Variants in MALT1 observed in about 807,000 individuals in gnomAD.
The protein encoded by MALT1 is MALT1 paracaspase.
A neutral mutation model predicts 85.5 loss-of-function variants in MALT1; 36 were observed. The ratio of observed to expected loss-of-function variants is 0.42; its 90% CI spans 0.32 to 0.56. The LOEUF (loss-of-function observed/expected upper bound fraction) is 0.56. Among genes scored for constraint, MALT1 ranks in the 20% least tolerant of loss-of-function variants. MALT1 has a pLI of 0.10. For missense variants in MALT1, 716 were observed against 981.6 expected (o/e 0.73, Z 3.62); for synonymous variants, 359 against 361.3 (o/e 0.99, Z 0.07).
intron 2 of MALT1, among the ~76,000 whole-genome samples, chr18:58,681,747 A>C (rs1205854717): frequency 6.6e-6 from 1 of 152,218 alleles, no homozygotes; most frequent in Non-Finnish European, 1.5e-5. Flanking sequence ...TATATAGATG[A>C]AGTAAAGCAA....
At chr18:58,697,968 G>C (rs1440076483) in intron 3 of MALT1, among the ~76,000 whole-genome samples, 2 of 152,188 alleles carry the variant, frequency 1.3e-5, no homozygotes, top group African/African-American at 4.8e-5. Context: ...AATCAACAGG[G>C]TGGCAACATA....
Position 58,747,525 on chromosome 18 carries a change from G to A in MALT1, c.2158G>A (p.Gly720Ser). Residue 720 changes from glycine (G) to serine (S), a missense_variant, in exon 17 of 17, where the codon GGT (glycine) becomes AGT (serine). Gly to Ser is a moderately conservative substitution (Grantham distance 56). Coordinates refer to ENST00000649217, the MANE Select transcript of MALT1 (RefSeq NM_006785.4). ...PLIAKLDMHRGLGRKTCFQTC... is the reference protein window; with the variant it reads ...PLIAKLDMHRSLGRKTCFQTC... The stretch of plus-strand genomic sequence containing the variant: ...CATTGCTAAATTAGACATGCATCGA[G>A]GTTTGGGAAGGAAGACTTGCTTTCA... The A allele has an allele frequency of 6.2e-7, 1 of 1,614,200 alleles. No individual in the cohort carries two copies. Among genetic ancestry groups the A allele is most frequent in the African/African-American group, 1.3e-5 (1 of 75,058 alleles).
At chr18:58,742,212 C>T (rs2055311149) in intron 14 of MALT1, among the ~76,000 whole-genome samples, 198 bp downstream of exon 14, 1 of 152,038 alleles carries the variant, frequency 6.6e-6, no homozygotes, top group Non-Finnish European at 1.5e-5. Flanking sequence ...AATTATTTAG[C>T]CCATTATTGT....
At chr18:58,712,055 T>C (rs1346705640) in intron 7 of MALT1, among the ~76,000 whole-genome samples, 1 of 152,210 alleles carries the variant, frequency 6.6e-6, no homozygotes, top group Non-Finnish European at 1.5e-5. Flanking sequence ...GTGATGCATG[T>C]GAATTATCAC....
chr18:58,728,315 A>G (rs1204549371), intron 10 of MALT1, among the ~76,000 whole-genome samples: 1 of 152,186 alleles, frequency 6.6e-6, no homozygotes, highest in Non-Finnish European at 1.5e-5. Flanking sequence ...CAACAACAAC[A>G]ACGATTTGGG....
intron 4 of MALT1, among the ~76,000 whole-genome samples, chr18:58,708,324 G>A (rs1314851970): frequency 6.6e-6 from 1 of 152,190 alleles, no homozygotes; most frequent in Non-Finnish European, 1.5e-5. Context: ...GATCTAATTG[G>A]TCATGCCCAC....
chr18:58,683,379 A>C (rs2054351618), intron 2 of MALT1, among the ~76,000 whole-genome samples: 2 of 152,218 alleles, frequency 1.3e-5, no homozygotes, highest in Admixed American at 6.5e-5. Flanking sequence ...ATATGAACAT[A>C]AGTATTCTCT....
intron 1 of MALT1, among the ~76,000 whole-genome samples, chr18:58,678,421 G>A (rs1602271618): frequency 6.6e-6 from 1 of 152,182 alleles, no homozygotes; most frequent in East Asian, 1.9e-4. Context: ...ATATGGACAA[G>A]ACAGAATTTT....
At chr18:58,705,410 G>A (rs2054735750) in intron 4 of MALT1, among the ~76,000 whole-genome samples, 1 of 150,664 alleles carries the variant, frequency 6.6e-6, no homozygotes, top group Non-Finnish European at 1.5e-5. Context: ...TGCCATGCTG[G>A]TGCACTGCAC....
At chr18:58,740,357 C>G (rs1319247894) in intron 13 of MALT1, among the ~76,000 whole-genome samples, 1 of 151,332 alleles carries the variant, frequency 6.6e-6, no homozygotes, top group African/African-American at 2.4e-5. Context: ...TTATGTCTTG[C>G]CTTGCATTTA....
chr18:58,730,901 A>G (rs954605274), intron 10 of MALT1, among the ~76,000 whole-genome samples: 2 of 152,324 alleles, frequency 1.3e-5, no homozygotes, highest in East Asian at 1.9e-4. Context: ...TGCCACTCAT[A>G]TATCCTCTTT....
intron 2 of MALT1, among the ~76,000 whole-genome samples, chr18:58,689,681 G>A (rs1310210972): frequency 1.3e-5 from 2 of 152,194 alleles, no homozygotes; most frequent in Non-Finnish European, 2.9e-5. Context: ...TAGATAACTG[G>A]GGGGTGGGAG....
intron 9 of MALT1, among the ~76,000 whole-genome samples, chr18:58,722,457 C>T (rs987836563): frequency 6.6e-5 from 10 of 152,156 alleles, no homozygotes; most frequent in African/African-American, 2.4e-4. Context: ...TCATCTGAGT[C>T]AAATGGGGGA....
chr18:58,692,407 C>CCTCTCTCTCTTTCT (rs2054519610), intron 2 of MALT1, among the ~76,000 whole-genome samples: 8 of 130,360 alleles, frequency 6.1e-5, no homozygotes, highest in African/African-American at 2.4e-4. Flanking sequence ...ACTGGCCATT[C>CCTCTCTCTCTTTCT]CTCTCTCTCT....
chr18:58,726,131 A>C (rs927964962), intron 10 of MALT1, among the ~76,000 whole-genome samples: 2 of 152,210 alleles, frequency 1.3e-5, no homozygotes, highest in African/African-American at 2.4e-5. Context: ...AATTGTGACA[A>C]GACTGCAGTT....
chr18:58,680,366 C>T (rs1048298112), intron 1 of MALT1, among the ~76,000 whole-genome samples: 1 of 152,120 alleles, frequency 6.6e-6, no homozygotes, highest in Non-Finnish European at 1.5e-5. Flanking sequence ...GCCTTTACCT[C>T]AGGCTCAGTT....
intron 10 of MALT1, among the ~76,000 whole-genome samples, chr18:58,727,628 G>T (rs72957632): frequency 0.14 from 18,607 of 128,660 alleles, 1,690 homozygotes; most frequent in East Asian, 0.27. Flanking sequence ...TTTTTTTTTT[G>T]TTTTTTTTTT....
At chr18:58,689,297 C>T (rs180781900) in intron 2 of MALT1, among the ~76,000 whole-genome samples, 1 of 151,812 alleles carries the variant, frequency 6.6e-6, no homozygotes, top group East Asian at 1.9e-4. Flanking sequence ...TAATTTACCC[C>T]AGGTAATTTG....
intron 10 of MALT1, among the ~76,000 whole-genome samples, chr18:58,730,348 A>G (rs1331168278): frequency 6.6e-6 from 1 of 151,774 alleles, no homozygotes; most frequent in Non-Finnish European, 1.5e-5. Flanking sequence ...CCACCAATCT[A>G]TTTTCTGTTT....
Sources: gnomAD v4.1 joint callset for allele counts (sites outside exome capture counted in the v4.1 genomes callset) on GRCh38, gnomAD v4.1.1 for gene constraint, MANE v1.5 for transcripts, NCBI Gene and HGNC (gene_info 2026-07-23, HGNC 2026-07-21) for gene names.